Variants in ROBO2 observed in about 807,000 individuals in gnomAD.
ROBO2 encodes roundabout homolog 2.
A neutral mutation model predicts 160.8 loss-of-function variants in ROBO2; 53 were observed. The observed-to-expected ratio is 0.33, with a 90% CI of 0.26 to 0.41. The LOEUF (loss-of-function observed/expected upper bound fraction) is 0.41. ROBO2 is among the 10% of genes least tolerant of loss of function. The pLI is 1.00. For synonymous variants in ROBO2, 664 were observed against 611.7 expected (o/e 1.09, Z -1.26); for missense variants, 1,577 against 1,722.4 (o/e 0.92, Z 1.49).
chr3:76,998,680 A>G (rs2149406550), intron 2 of ROBO2, among the ~76,000 whole-genome samples: 1 of 152,262 alleles, frequency 6.6e-6, no homozygotes, highest in East Asian at 1.9e-4. Flanking sequence ...AAAACCCTTC[A>G]CATCGTGATA....
At chr3:77,402,179 A>G (rs2075857673) in intron 2 of ROBO2, among the ~76,000 whole-genome samples, 1 of 152,176 alleles carries the variant, frequency 6.6e-6, no homozygotes, top group Non-Finnish European at 1.5e-5. Flanking sequence ...TAACACAGGA[A>G]AAGAAAACCA....
intron 2 of ROBO2, among the ~76,000 whole-genome samples, chr3:77,378,815 C>G (rs6776791): frequency 6.6e-6 from 1 of 151,890 alleles, no homozygotes; most frequent in Admixed American, 6.6e-5. Flanking sequence ...CATAGATGCC[C>G]GAAAAAATCT....
chr3:77,132,393 T>A (rs2075928219), intron 2 of ROBO2, among the ~76,000 whole-genome samples: 1 of 151,954 alleles, frequency 6.6e-6, no homozygotes, highest in East Asian at 1.9e-4. Flanking sequence ...TGGGTTTTTT[T>A]TGGTGTAATA....
chr3:76,407,276 G>A (rs1461844021), intron 2 of ROBO2, among the ~76,000 whole-genome samples: 1 of 151,842 alleles, frequency 6.6e-6, no homozygotes, highest in South Asian at 2.1e-4. Flanking sequence ...ACAACAGCCT[G>A]TCTTGTCTTT....
intron 2 of ROBO2, among the ~76,000 whole-genome samples, chr3:76,265,897 C>CT (rs1364360148): frequency 6.6e-6 from 1 of 152,010 alleles, no homozygotes; most frequent in Non-Finnish European, 1.5e-5. Context: ...AGGAAAGAGC[C>CT]TTAGAAAGGG....
intron 2 of ROBO2, among the ~76,000 whole-genome samples, chr3:76,919,213 T>A (rs1174377542): frequency 6.6e-6 from 1 of 152,060 alleles, no homozygotes; most frequent in Non-Finnish European, 1.5e-5. Context: ...AATAAATAAA[T>A]AAAAAGAAAG....
chr3:77,369,272 A>G (rs9876951), intron 2 of ROBO2, among the ~76,000 whole-genome samples: 46,618 of 151,960 alleles, frequency 0.31, 7,720 homozygotes, highest in Non-Finnish European at 0.38. Context: ...GGCAAAATTT[A>G]ATGAAGTCCT....
chr3:76,324,200 C>T, intron 2 of ROBO2, among the ~76,000 whole-genome samples: 1 of 152,080 alleles, frequency 6.6e-6, no homozygotes, highest in East Asian at 1.9e-4. Flanking sequence ...CATGGGAGTA[C>T]TTTGACGTGC....
In ROBO2 at chr3:76,333,885, C is replaced by T. The variant is rs143947470; in HGVS notation, c.109+396283C>T. 6.5e-3 allele frequency among the ~76,000 whole-genome samples: 982 copies of T among 152,194 alleles called. 9 individuals carry two copies. Among genetic ancestry groups the T allele is most frequent in the African/African-American group, 0.019 (773 of 41,528 alleles). ...GAAACCATCATTCTCAGCAAACTAT[C>T]GCAAGGACAAAAAACCAAGCACCGC... is the stretch of plus-strand genomic sequence containing the variant. On this transcript the variant is annotated intron_variant, in intron 2 of 26. Transcript: ENST00000487694.
In ROBO2 at chr3:77,389,786, C is replaced by A. The variant is rs146557503; in HGVS notation, c.389-87628C>A. ...AAAAAAAAGAACTATTTCAGCAAGA[C>A]CATGACATTGGCTCACCCACTTTGT... On this transcript the variant is annotated intron_variant, in intron 2 of 25. Transcript: ENST00000461745. 3.1e-3 allele frequency among the ~76,000 whole-genome samples: 469 copies of A among 151,984 alleles called. 2 individuals are homozygous for A. The highest frequency in any genetic ancestry group is 6.8e-3 in the Middle Eastern group (2 of 292).
chr3:76,882,634 C>A (rs1354102763), intron 2 of ROBO2, among the ~76,000 whole-genome samples: 1 of 151,978 alleles, frequency 6.6e-6, no homozygotes, highest in African/African-American at 2.4e-5. Flanking sequence ...ATAAAATTAG[C>A]AAAACATACA....
chr3:76,867,238 T>C (rs1402758328), intron 2 of ROBO2, among the ~76,000 whole-genome samples: 1 of 152,146 alleles, frequency 6.6e-6, no homozygotes, highest in Non-Finnish European at 1.5e-5. Context: ...AGTGAAAAAC[T>C]TGTCATTCGG....
At chr3:76,698,665 T>A (rs2597256) in intron 2 of ROBO2, among the ~76,000 whole-genome samples, 54,866 of 152,008 alleles carry the variant, frequency 0.36, 10,291 homozygotes, top group East Asian at 0.56. Flanking sequence ...TGTATTATAA[T>A]CCTGGTCAGA....
intron 2 of ROBO2, among the ~76,000 whole-genome samples, chr3:76,981,284 T>C (rs1220447197): frequency 6.6e-6 from 1 of 152,198 alleles, no homozygotes; most frequent in Admixed American, 6.5e-5. Context: ...AAAGTGGCTA[T>C]ACCATTTCAC....
At chr3:76,959,810 G>A (rs982822291) in intron 2 of ROBO2, among the ~76,000 whole-genome samples, 2 of 151,978 alleles carry the variant, frequency 1.3e-5, no homozygotes, top group Non-Finnish European at 2.9e-5. Flanking sequence ...TTGACTAAAG[G>A]GAGTTGTTAG....
rs114695921 is a variant in ROBO2, at chr3:76,943,454, G to A, written c.110-154560G>A. Among the ~76,000 whole-genome samples, 256 of 152,298 alleles carry A rather than the reference G, an allele frequency of 1.7e-3. 1 individual carries two copies. The highest frequency in any genetic ancestry group is 5.2e-3 in the African/African-American group (217 of 41,568). On this transcript the variant is annotated intron_variant, in intron 2 of 26. Transcript: ENST00000487694. ...GCCTTTAATGATCTCAAACTTCCCA[G>A]AGTGAACTTTTGAATTAGTTCTTTG... is the stretch of plus-strand genomic sequence containing the variant.
intron 2 of ROBO2, among the ~76,000 whole-genome samples, chr3:76,693,603 C>A (rs752575357): frequency 6.6e-6 from 1 of 151,920 alleles, no homozygotes; most frequent in Non-Finnish European, 1.5e-5. Flanking sequence ...GGAGTACCAG[C>A]GAAGCCATGA....
chr3:76,398,234 C>A (rs1354130158), intron 2 of ROBO2, among the ~76,000 whole-genome samples: 1 of 148,226 alleles, frequency 6.7e-6, no homozygotes, highest in Non-Finnish European at 1.5e-5. Flanking sequence ...GAGAAAAAAC[C>A]AAACACTGCA....
At chr3:77,538,826 T>C (rs1407444127) in intron 6 of ROBO2, 2 of 482,090 alleles carry the variant, frequency 4.1e-6, no homozygotes, top group Middle Eastern at 3.2e-4. Context: ...TACTGGTCTA[T>C]AATTGCATTG....
Sources: gnomAD v4.1 joint callset for allele counts (sites outside exome capture counted in the v4.1 genomes callset) on GRCh38, gnomAD v4.1.1 for gene constraint, MANE v1.5 for transcripts, NCBI Gene and HGNC (gene_info 2026-07-23, HGNC 2026-07-21) for gene names.